CAMK4: variants seen among roughly 807,000 people sequenced by gnomAD.
The protein encoded by CAMK4 is calcium/calmodulin-dependent protein kinase type IV.
CAMK4 carries 22 observed loss-of-function variants against 44.9 expected under a neutral mutation model. That is an observed-to-expected ratio of 0.49 (90% CI 0.35 to 0.70). The LOEUF (loss-of-function observed/expected upper bound fraction) is 0.70. Ranked by LOEUF, CAMK4 falls within the 30% of genes least tolerant of loss-of-function variation. CAMK4 has a pLI of 0.01. For missense variants in CAMK4, 498 were observed against 586.8 expected, an observed-to-expected ratio of 0.85 and a Z score of 1.56; for synonymous variants, 218 against 215.4, an observed-to-expected ratio of 1.01 and a Z score of -0.11.
intron 1 of CAMK4, among the ~76,000 whole-genome samples, chr5:111,255,937 A>C (rs1254497178): frequency 6.6e-6 from 1 of 152,230 alleles, no homozygotes; most frequent in Non-Finnish European, 1.5e-5. Context: ...AATGATGTAA[A>C]GATTAAAAAC....
chr5:111,261,410 C>T (rs116814452), intron 1 of CAMK4, among the ~76,000 whole-genome samples: 5 of 152,320 alleles, frequency 3.3e-5, no homozygotes, highest in Admixed American at 6.5e-5. Context: ...CACCCTATAG[C>T]AGCTGGGCTC....
intron 5 of CAMK4, among the ~76,000 whole-genome samples, chr5:111,422,093 C>T (rs1445788826): frequency 2.6e-5 from 4 of 152,118 alleles, no homozygotes; most frequent in Admixed American, 1.3e-4. Flanking sequence ...AGTGTGAGAA[C>T]GGACTAATAC....
chr5:111,452,287 G>T lies in CAMK4; in HGVS notation c.625+3084G>T, dbSNP rs550052685. Among the ~76,000 whole-genome samples the T allele has an allele frequency of 1.8e-4, 28 of 152,196 alleles. 1 individual carries two copies. The highest frequency in any genetic ancestry group is 1.4e-3 in the Admixed American group (21 of 15,286). ...CAGAGGGCACAAATGGACTTAGAAA[G>T]GTCGGATGGACCATGTGTTTAAAGA... On this transcript the variant is annotated intron_variant, in intron 7 of 10. Transcript: ENST00000282356.
chr5:111,238,635 C>G lies in CAMK4; in HGVS notation c.161+13991C>G, dbSNP rs573332821. 9.9e-5 allele frequency among the ~76,000 whole-genome samples: 15 copies of G among 151,292 alleles called. No individual in the cohort carries two copies. In the East Asian group the frequency reaches 1.2e-3, roughly 12 times the overall value. On this transcript the variant is annotated intron_variant, in intron 1 of 10. Transcript: ENST00000282356. ...AAGACAGCCCTGTACCCTTTTCCCC[C>G]ATTTGGCACCTGTCTGACGTCGCAG...
intron 5 of CAMK4, among the ~76,000 whole-genome samples, chr5:111,403,818 T>C (rs1393092216): frequency 6.6e-6 from 1 of 152,202 alleles, no homozygotes; most frequent in Non-Finnish European, 1.5e-5. Context: ...TTATCACTAA[T>C]GATAATGATA....
chr5:111,327,713 A>C (rs1748961814), intron 1 of CAMK4, among the ~76,000 whole-genome samples: 1 of 151,166 alleles, frequency 6.6e-6, no homozygotes, highest in African/African-American at 2.4e-5. Flanking sequence ...AACTGGTGTG[A>C]GATGGTATCT....
intron 2 of CAMK4, among the ~76,000 whole-genome samples, chr5:111,373,644 T>C (rs1168506450): frequency 6.6e-6 from 1 of 152,124 alleles, no homozygotes; most frequent in East Asian, 1.9e-4. Flanking sequence ...AACCTTTTCT[T>C]CCTCAGGAGA....
intron 2 of CAMK4, among the ~76,000 whole-genome samples, chr5:111,347,088 C>G (rs1394938894): frequency 1.3e-5 from 2 of 151,910 alleles, no homozygotes; most frequent in Non-Finnish European, 2.9e-5. Context: ...AAAGTAGAGG[C>G]TTACAAACAG....
intron 1 of CAMK4, among the ~76,000 whole-genome samples, chr5:111,242,560 A>G (rs751334047): frequency 6.6e-6 from 1 of 152,142 alleles, no homozygotes; most frequent in Non-Finnish European, 1.5e-5. Context: ...TCTGCTTGTA[A>G]GATGACCTTT....
intron 2 of CAMK4, among the ~76,000 whole-genome samples, chr5:111,347,970 A>G (rs899917728): frequency 2.6e-5 from 4 of 152,086 alleles, no homozygotes; most frequent in Admixed American, 1.3e-4. Context: ...CATCTAATTT[A>G]TAAATAATTT....
chr5:111,344,156 G>A, intron 2 of CAMK4, 54 bp downstream of exon 2: 1 of 1,040,240 alleles, frequency 9.6e-7, no homozygotes, highest in South Asian at 1.3e-5. Flanking sequence ...ACCTGGAGAA[G>A]GCAGGAACCT....
chr5:111,274,701 AG>A (rs1199129996), intron 1 of CAMK4, among the ~76,000 whole-genome samples: 6 of 152,312 alleles, frequency 3.9e-5, no homozygotes, highest in African/African-American at 1.2e-4. Context: ...TCCCTTCAAC[AG>A]GGGAGTACCC....
intron 1 of CAMK4, among the ~76,000 whole-genome samples, chr5:111,332,532 A>G (rs1015660324): frequency 8.6e-5 from 13 of 151,708 alleles, no homozygotes; most frequent in Middle Eastern, 3.4e-3. Context: ...TAGTGCTGCA[A>G]TAAACATATG....
chr5:111,396,125 G>GA (rs965148103), intron 5 of CAMK4, among the ~76,000 whole-genome samples: 2 of 151,976 alleles, frequency 1.3e-5, no homozygotes, highest in Non-Finnish European at 2.9e-5. Context: ...GATGAAAAGG[G>GA]AAAAAATAAC....
At chr5:111,431,765 C>T (rs934084178) in intron 5 of CAMK4, among the ~76,000 whole-genome samples, 1 of 152,106 alleles carries the variant, frequency 6.6e-6, no homozygotes, top group African/African-American at 2.4e-5. Flanking sequence ...AAAAAGTACT[C>T]AACATCATTG....
intron 5 of CAMK4, among the ~76,000 whole-genome samples, chr5:111,410,898 C>A (rs1001106884): frequency 6.6e-6 from 1 of 152,116 alleles, no homozygotes; most frequent in African/African-American, 2.4e-5. Flanking sequence ...AATAGCCACA[C>A]ACTTCCTAGG....
chr5:111,368,225 C>A (rs574787791), intron 2 of CAMK4, among the ~76,000 whole-genome samples: 2 of 152,106 alleles, frequency 1.3e-5, no homozygotes, highest in African/African-American at 4.8e-5. Flanking sequence ...TCTGTTGATG[C>A]TTCTCAAGAT....
chr5:111,381,706 C>T (rs1751422358), intron 4 of CAMK4, among the ~76,000 whole-genome samples: 1 of 152,136 alleles, frequency 6.6e-6, no homozygotes, highest in Non-Finnish European at 1.5e-5. Context: ...ACCATCACAC[C>T]TGATAACTCT....
intron 5 of CAMK4, among the ~76,000 whole-genome samples, chr5:111,422,049 T>C (rs1052730160): frequency 8.5e-5 from 13 of 152,244 alleles, no homozygotes; most frequent in Non-Finnish European, 1.5e-4. Context: ...CTTTTTCTTA[T>C]AAATTACCCA....
Sources: gnomAD v4.1 joint callset for allele counts (sites outside exome capture counted in the v4.1 genomes callset) on GRCh38, gnomAD v4.1.1 for gene constraint, MANE v1.5 for transcripts, NCBI Gene and HGNC (gene_info 2026-07-23, HGNC 2026-07-21) for gene names.